The following PDE8B variants were observed in gnomAD, a reference collection of about 807,000 sequenced individuals.
PDE8B encodes the protein high affinity cAMP-specific and IBMX-insensitive 3',5'-cyclic phosphodiesterase 8B.
PDE8B carries 26 observed loss-of-function variants against 101.3 expected under a neutral mutation model. The ratio of observed to expected loss-of-function variants is 0.26; its 90% CI spans 0.19 to 0.36. The LOEUF (loss-of-function observed/expected upper bound fraction) is 0.36, where lower values mean the gene tolerates loss of function less well. Ranked by LOEUF, PDE8B falls within the 10% of genes least tolerant of loss-of-function variation. The pLI is 1.00. For missense variants in PDE8B, 810 were observed against 1,163.1 expected (o/e 0.70, Z 4.42); for synonymous variants, 424 against 429.3 (o/e 0.99, Z 0.15).
At chr5:77,247,493 G>A (rs1044403548) in intron 1 of PDE8B, among the ~76,000 whole-genome samples, 3 of 152,140 alleles carry the variant, frequency 2.0e-5, no homozygotes, top group African/African-American at 4.8e-5. Flanking sequence ...AGCAGGGGTC[G>A]AGCCATGCCC....
At chr5:77,209,448 C>T (rs1747810993), upstream of PDE8B, among the ~76,000 whole-genome samples, 1 of 152,126 alleles carries the variant, frequency 6.6e-6, no homozygotes, top group Non-Finnish European at 1.5e-5. Flanking sequence ...TGCCCTTGTC[C>T]GTATAAGCAA....
At chr5:77,338,996 G>A (rs1778690165) in intron 6 of PDE8B, among the ~76,000 whole-genome samples, 1 of 152,120 alleles carries the variant, frequency 6.6e-6, no homozygotes, top group Non-Finnish European at 1.5e-5. Flanking sequence ...GGAATGTTAG[G>A]GGCACCTTGT....
At chr5:77,295,276 C>T (rs181851) in intron 1 of PDE8B, among the ~76,000 whole-genome samples, 23,562 of 152,106 alleles carry the variant, frequency 0.15, 2,139 homozygotes, top group Non-Finnish European at 0.21. Flanking sequence ...TGCCAGACCT[C>T]GGGGAATGAA....
At chr5:77,131,581 G>A in the PDE8B span, among the ~76,000 whole-genome samples, 591 of 152,310 alleles carry the variant, frequency 3.9e-3, 1 homozygote, top group African/African-American at 0.013. Context: ...AAATAGGAAA[G>A]ATAATACTTA....
chr5:77,290,237 C>T (rs1362491236), intron 1 of PDE8B: 17 of 1,547,632 alleles, frequency 1.1e-5, no homozygotes, highest in Middle Eastern at 1.7e-4. Context: ...CCAGCAAGCT[C>T]CTTGGACCTT....
At chr5:77,419,532 T>G (rs865822542) in intron 18 of PDE8B, among the ~76,000 whole-genome samples, 11 of 152,222 alleles carry the variant, frequency 7.2e-5, no homozygotes, top group Non-Finnish European at 1.3e-4. Flanking sequence ...GTACCTTCTC[T>G]CTTTTTTAAA....
chr5:77,328,684 G>A (rs1345004733), intron 3 of PDE8B, among the ~76,000 whole-genome samples: 1 of 152,132 alleles, frequency 6.6e-6, no homozygotes, highest in Non-Finnish European at 1.5e-5. Flanking sequence ...ATTTATTTTT[G>A]TTTTGAAGAG....
intron 16 of PDE8B, among the ~76,000 whole-genome samples, chr5:77,412,803 TG>T (rs950838019): frequency 6.6e-6 from 1 of 152,072 alleles, no homozygotes; most frequent in African/African-American, 2.4e-5. Flanking sequence ...GCAAGGTTAA[TG>T]TGGAAGTGGG....
chr5:77,377,713 T>C (rs1276962110), intron 10 of PDE8B, among the ~76,000 whole-genome samples: 1 of 152,184 alleles, frequency 6.6e-6, no homozygotes, highest in Admixed American at 6.5e-5. Flanking sequence ...GACAGGAAGA[T>C]CTGCACTCAC....
chr5:77,202,382 A>C, the PDE8B span, among the ~76,000 whole-genome samples: 1 of 152,068 alleles, frequency 6.6e-6, no homozygotes, highest in Non-Finnish European at 1.5e-5. Context: ...AGCAAGATCA[A>C]CCCCTCCTCC....
chr5:77,258,289 CAAAAA>C (rs70988662), intron 1 of PDE8B, among the ~76,000 whole-genome samples: 32 of 88,568 alleles, frequency 3.6e-4, no homozygotes, highest in African/African-American at 1.3e-3. Context: ...GACTCCATCT[CAAAAA>C]AAAAAAAAAA....
In PDE8B at chr5:77,271,021, A is replaced by T. The variant is rs536849490; in HGVS notation, c.340-40973A>T. ...TTTATGGAATCCATGCAATGATGGC[A>T]TTGTGGGGGACACTGGCTAAGCTCC... is the stretch of plus-strand genomic sequence containing the variant. On this transcript the variant is annotated intron_variant, in intron 1 of 21. Transcript: ENST00000264917. Among the ~76,000 whole-genome samples the T allele has an allele frequency of 1.3e-5, 2 of 152,316 alleles. 1 individual carries two copies.
rs577498819 is a variant in PDE8B at position 77,222,870 on chromosome 5, A to G, written c.339+11606A>G. Among the ~76,000 whole-genome samples the G allele has an allele frequency of 8.5e-5, 13 of 152,336 alleles. No individual in the cohort carries two copies. In the South Asian group the frequency reaches 2.7e-3, roughly 32 times the overall value. On this transcript the variant is annotated intron_variant, in intron 1 of 21. Transcript: ENST00000264917. ...AGGCAGAATTAAGGTCAGGCTTTCTAAGCCTGGAGCTCAAAGCTGCCAGAC... is the reference window on the plus strand; with the variant it reads ...AGGCAGAATTAAGGTCAGGCTTTCTGAGCCTGGAGCTCAAAGCTGCCAGAC...
intron 2 of PDE8B, 85 bp from the exon 3 acceptor site, chr5:77,325,454 C>T (rs1775870290): frequency 8.3e-7 from 1 of 1,211,136 alleles, no homozygotes; most frequent in South Asian, 1.2e-5. Context: ...CAGGCATGAG[C>T]CACTGCGCCT....
chr5:77,301,008 G>A (rs1303967231), intron 1 of PDE8B, among the ~76,000 whole-genome samples: 2 of 152,162 alleles, frequency 1.3e-5, no homozygotes, highest in African/African-American at 4.8e-5. Context: ...ATTAGTGCCC[G>A]ACAAGGATTC....
chr5:77,254,187 G>C (rs938834859), intron 1 of PDE8B, among the ~76,000 whole-genome samples: 1 of 152,032 alleles, frequency 6.6e-6, no homozygotes, highest in Non-Finnish European at 1.5e-5. Flanking sequence ...GATTATATAT[G>C]ATGGAACTCC....
At chr5:77,135,558 C>A in the PDE8B span, among the ~76,000 whole-genome samples, 1 of 149,366 alleles carries the variant, frequency 6.7e-6, no homozygotes, top group Non-Finnish European at 1.5e-5. Context: ...CTCATTGCAG[C>A]CTCCGCCTCC....
intron 10 of PDE8B, among the ~76,000 whole-genome samples, chr5:77,385,237 C>T (rs1581394677): frequency 1.3e-5 from 2 of 152,216 alleles, no homozygotes; most frequent in South Asian, 2.1e-4. Context: ...TCTGTTTCTT[C>T]TAGATTTTCT....
chr5:77,332,770 G>C (rs1186014617), intron 5 of PDE8B, among the ~76,000 whole-genome samples: 1 of 151,658 alleles, frequency 6.6e-6, no homozygotes, highest in Admixed American at 6.6e-5. Context: ...CCAGGAGGTG[G>C]AGGTTGCGGT....
Sources: gnomAD v4.1 joint callset for allele counts (sites outside exome capture counted in the v4.1 genomes callset) on GRCh38, gnomAD v4.1.1 for gene constraint, MANE v1.5 for transcripts, NCBI Gene and HGNC (gene_info 2026-07-23, HGNC 2026-07-21) for gene names.